CAMK2D: variants seen among roughly 807,000 people sequenced by gnomAD.
CAMK2D encodes the protein calcium/calmodulin dependent protein kinase II delta.
A neutral mutation model predicts 84.0 loss-of-function variants in CAMK2D; 37 were observed. The observed-to-expected ratio is 0.44, with a 90% CI of 0.34 to 0.58. The LOEUF (loss-of-function observed/expected upper bound fraction) is 0.58. Ranked by LOEUF, CAMK2D falls within the 20% of genes least tolerant of loss-of-function variation. The pLI is 0.02. For missense variants in CAMK2D, 448 were observed against 652.5 expected, an observed-to-expected ratio of 0.69 and a Z score of 3.41; for synonymous variants, 202 against 212.5, an observed-to-expected ratio of 0.95 and a Z score of 0.43.
At chr4:113,610,909 A>G (rs1451329011) in intron 3 of CAMK2D, among the ~76,000 whole-genome samples, 1 of 152,110 alleles carries the variant, frequency 6.6e-6, no homozygotes, top group East Asian at 1.9e-4. Flanking sequence ...ACCATATTTT[A>G]TAAGTCTTGC....
At chr4:113,474,693 C>A (rs1363911609) in intron 16 of CAMK2D, among the ~76,000 whole-genome samples, 1 of 152,048 alleles carries the variant, frequency 6.6e-6, no homozygotes, top group Non-Finnish European at 1.5e-5. Context: ...GTCCCCCAGG[C>A]TGGAGTGCAA....
intron 2 of CAMK2D, chr4:113,753,829 T>C: frequency 1.0e-6 from 1 of 984,140 alleles, no homozygotes; most frequent in Middle Eastern, 5.2e-4. Flanking sequence ...CCATCTACAT[T>C]ATAGCTTTCA....
chr4:113,670,460 A>G (rs546010908), intron 2 of CAMK2D, among the ~76,000 whole-genome samples: 1 of 152,248 alleles, frequency 6.6e-6, no homozygotes, highest in South Asian at 2.1e-4. Context: ...TTTTAATTGT[A>G]TATCAATAAT....
At chr4:113,693,796 G>A (rs1032252373) in intron 2 of CAMK2D, among the ~76,000 whole-genome samples, 3 of 152,002 alleles carry the variant, frequency 2.0e-5, no homozygotes, top group Non-Finnish European at 2.9e-5. Flanking sequence ...AAAATTGTTT[G>A]GAGATTACTG....
At chr4:113,514,080 C>T (rs979626486) in intron 10 of CAMK2D, among the ~76,000 whole-genome samples, 167 bp from the exon 11 acceptor site, 4 of 152,082 alleles carry the variant, frequency 2.6e-5, no homozygotes, top group Admixed American at 2.6e-4. Flanking sequence ...TTAGTTTTGC[C>T]AAGACTACTT....
chr4:113,553,026 T>C (rs2098640230), intron 4 of CAMK2D, among the ~76,000 whole-genome samples: 1 of 152,250 alleles, frequency 6.6e-6, no homozygotes, highest in South Asian at 2.1e-4. Context: ...TCCTCTGCTA[T>C]GATCTGGCTT....
chr4:113,513,899 A>T lies in CAMK2D; in HGVS notation c.834T>A (p.Val278=). 6.4e-7 allele frequency: 1 copy of T among 1,568,062 alleles called. No individual in the cohort carries two copies. The highest frequency in any genetic ancestry group is 8.7e-7 in the Non-Finnish European group (1 of 1,143,210). The change falls in exon 11 of 21, where the codon GTT becomes GTA. Residue 278 remains valine (V), a synonymous_variant. Transcript: ENST00000511664. ...TCTCCTGTCTGTGCATCATGGAAGC[A>T]ACAGTAGAACGTTGCTAGAAGAAGA... is the stretch of plus-strand genomic sequence containing the variant. The part of the protein sequence containing the change: ...KHPWICQRST[V]ASMMHRQETV...
intron 2 of CAMK2D, among the ~76,000 whole-genome samples, chr4:113,747,261 A>G (rs1406671415): frequency 6.6e-6 from 1 of 151,592 alleles, no homozygotes; most frequent in Admixed American, 6.6e-5. Flanking sequence ...AGCTTATGCC[A>G]AATTATAAAC....
chr4:113,590,120 C>T (rs1561195889), intron 4 of CAMK2D, among the ~76,000 whole-genome samples: 1 of 152,092 alleles, frequency 6.6e-6, no homozygotes, highest in Non-Finnish European at 1.5e-5. Flanking sequence ...TAAAAAAACA[C>T]TAAATGTATC....
At chr4:113,514,303 C>G (rs1244754258) in intron 10 of CAMK2D, among the ~76,000 whole-genome samples, 1 of 152,104 alleles carries the variant, frequency 6.6e-6, no homozygotes, top group Non-Finnish European at 1.5e-5. Flanking sequence ...ATCCCAGCTA[C>G]TCGGGAGGCT....
At chr4:113,581,986 T>C (rs2098812712) in intron 4 of CAMK2D, among the ~76,000 whole-genome samples, 1 of 152,206 alleles carries the variant, frequency 6.6e-6, no homozygotes, top group African/African-American at 2.4e-5. Context: ...AATGATTCTC[T>C]GTCTGCCTGC....
chr4:113,698,076 A>C (rs1427040950), intron 2 of CAMK2D, among the ~76,000 whole-genome samples: 3 of 152,074 alleles, frequency 2.0e-5, no homozygotes, highest in Non-Finnish European at 4.4e-5. Flanking sequence ...AACCTAGCCT[A>C]CCTTAAAACA....
chr4:113,511,096 C>T (rs2098206711), intron 12 of CAMK2D, among the ~76,000 whole-genome samples: 1 of 152,050 alleles, frequency 6.6e-6, no homozygotes, highest in Non-Finnish European at 1.5e-5. Flanking sequence ...GGTTACTATT[C>T]ACCTTACCTC....
rs1319014487 is a variant in CAMK2D, at chr4:113,454,445, A to G, written c.*100T>C. ...CAGAAACATGCATGAAGAGGAGGAG[A>G]GGACGGCCCAGGGTCACCATCCAGG... On this transcript the variant is annotated 3_prime_UTR_variant, in exon 21 of 21. Transcript: ENST00000511664. 2 of 772,912 alleles carry G rather than the reference A, an allele frequency of 2.6e-6. No individual in the cohort carries two copies. The highest frequency in any genetic ancestry group is 4.9e-5 in the East Asian group (2 of 40,980). 47.9% of individuals were successfully genotyped at this position (772,912 alleles called of 1,614,324 possible).
chr4:113,681,073 C>T (rs2099344354), intron 2 of CAMK2D, among the ~76,000 whole-genome samples: 1 of 152,188 alleles, frequency 6.6e-6, no homozygotes, highest in South Asian at 2.1e-4. Flanking sequence ...CTGTTGACTA[C>T]ATTTACTGAA....
At chr4:113,759,266 T>A (rs2099635415) in intron 2 of CAMK2D, 54 bp downstream of exon 2, 5 of 1,091,608 alleles carry the variant, frequency 4.6e-6, no homozygotes, top group Non-Finnish European at 7.0e-6. Context: ...ACAGAACCTA[T>A]AATCAACATG....
At chr4:113,704,754 C>A (rs1170976563) in intron 2 of CAMK2D, among the ~76,000 whole-genome samples, 1 of 151,846 alleles carries the variant, frequency 6.6e-6, no homozygotes, top group Non-Finnish European at 1.5e-5. Flanking sequence ...AGGTTAAGAA[C>A]CTTTTCACTA....
At chr4:113,614,883 A>C (rs2099015152) in intron 3 of CAMK2D, among the ~76,000 whole-genome samples, 1 of 152,202 alleles carries the variant, frequency 6.6e-6, no homozygotes, top group Non-Finnish European at 1.5e-5. Flanking sequence ...GAAAGTAAGA[A>C]AGAATTAGTA....
intron 4 of CAMK2D, among the ~76,000 whole-genome samples, chr4:113,583,277 G>A (rs139913082): frequency 2.0e-5 from 3 of 152,270 alleles, no homozygotes; most frequent in African/African-American, 7.2e-5. Flanking sequence ...TTGAATAAAA[G>A]CCTCATTTAT....
Sources: allele counts gnomAD v4.1 joint callset (sites outside exome capture counted in the v4.1 genomes callset), GRCh38; gene constraint gnomAD v4.1.1; transcripts MANE v1.5; gene names NCBI Gene and HGNC (gene_info 2026-07-23, HGNC 2026-07-21).